TMEM132C: variants seen among roughly 807,000 people sequenced by gnomAD.
TMEM132C encodes transmembrane protein 132C.
In TMEM132C, 29 loss-of-function variants were observed where a neutral mutation model predicts 61.4. The ratio of observed to expected loss-of-function variants is 0.47; its 90% CI spans 0.35 to 0.64. The LOEUF (loss-of-function observed/expected upper bound fraction) is 0.64, where lower values mean the gene tolerates loss of function less well. Among genes scored for constraint, TMEM132C ranks in the 30% least tolerant of loss-of-function variants. The pLI is 0.00. For synonymous variants in TMEM132C, 656 were observed against 633.1 expected (o/e 1.04, Z -0.54); for missense variants, 1,408 against 1,476.9 (o/e 0.95, Z 0.76).
At chr12:128,320,759 G>T (rs572142622) in intron 1 of TMEM132C, among the ~76,000 whole-genome samples, 1 of 148,640 alleles carries the variant, frequency 6.7e-6, no homozygotes, top group Admixed American at 6.8e-5. Context: ...CAGCCTGGGC[G>T]ACACAGCAAG....
At position 128,694,035 on chromosome 12, in the gene TMEM132C, G is replaced by A; in HGVS notation, c.1655+1G>A. On this transcript the variant is annotated splice_donor_variant, in intron 6 of 8. Coordinates refer to ENST00000435159, the MANE Select transcript of TMEM132C (RefSeq NM_001136103.3). LOFTEE classifies it high-confidence loss of function. Reference sequence around the variant, plus strand: ...GGGTCCCCATTGTGACCAATAAGAGGTGAGCCTCGGATGGGGAGATGCCCT... The same window carrying A: ...GGGTCCCCATTGTGACCAATAAGAGATGAGCCTCGGATGGGGAGATGCCCT... 6.4e-7 allele frequency: 1 copy of A among 1,551,526 alleles called. No homozygotes were observed. Among genetic ancestry groups the A allele is most frequent in the Non-Finnish European group, 8.7e-7 (1 of 1,146,912 alleles).
intron 2 of TMEM132C, among the ~76,000 whole-genome samples, chr12:128,451,044 A>G (rs140104211): frequency 3.3e-4 from 51 of 152,324 alleles, no homozygotes; most frequent in African/African-American, 1.1e-3. Flanking sequence ...GAAAACAAAA[A>G]CAGATTCAAA....
intron 2 of TMEM132C, among the ~76,000 whole-genome samples, chr12:128,455,099 T>C (rs117354601): frequency 9.8e-5 from 15 of 152,338 alleles, no homozygotes; most frequent in Non-Finnish European, 2.2e-4. Context: ...GATTTCTCCC[T>C]TGCCCTTCCC....
intron 1 of TMEM132C, among the ~76,000 whole-genome samples, chr12:128,371,836 C>T (rs1239523508): frequency 1.3e-5 from 2 of 152,200 alleles, no homozygotes; most frequent in Admixed American, 6.5e-5. Context: ...TTCTCAGCCT[C>T]CCAAAGCACC....
intron 2 of TMEM132C, among the ~76,000 whole-genome samples, chr12:128,461,751 G>A (rs917981079): frequency 1.3e-5 from 2 of 152,142 alleles, no homozygotes; most frequent in African/African-American, 4.8e-5. Context: ...TGATAGTGGT[G>A]ATAGTGGTGT....
At chr12:128,683,886 A>T (rs1262665313) in intron 5 of TMEM132C, among the ~76,000 whole-genome samples, 3 of 152,116 alleles carry the variant, frequency 2.0e-5, no homozygotes, top group Non-Finnish European at 4.4e-5. Flanking sequence ...GAATCTCTTG[A>T]ACCCAGAAGG....
At chr12:128,279,962 G>T (rs1268090057) in intron 1 of TMEM132C, among the ~76,000 whole-genome samples, 1 of 152,182 alleles carries the variant, frequency 6.6e-6, no homozygotes, top group Non-Finnish European at 1.5e-5. Flanking sequence ...CTCTGGTGAG[G>T]CCCCGAATGC....
At chr12:128,316,564 G>A (rs1872160403) in intron 1 of TMEM132C, among the ~76,000 whole-genome samples, 2 of 152,192 alleles carry the variant, frequency 1.3e-5, no homozygotes, top group South Asian at 4.1e-4. Context: ...GCTGTAGAAT[G>A]TTGGGGAAAC....
chr12:128,566,782 T>C (rs1208333097), intron 3 of TMEM132C, among the ~76,000 whole-genome samples: 2 of 152,294 alleles, frequency 1.3e-5, no homozygotes, highest in East Asian at 1.9e-4. Flanking sequence ...ACTGCCAGGG[T>C]TCGGGTTCCA....
intron 4 of TMEM132C, among the ~76,000 whole-genome samples, chr12:128,663,061 C>G (rs1954408930): frequency 6.6e-6 from 1 of 151,090 alleles, no homozygotes; most frequent in Non-Finnish European, 1.5e-5. Flanking sequence ...GGCTCCAGCC[C>G]CATCCCACAC....
chr12:128,364,437 C>T (rs1333047779), intron 1 of TMEM132C, among the ~76,000 whole-genome samples: 1 of 152,162 alleles, frequency 6.6e-6, no homozygotes, highest in African/African-American at 2.4e-5. Flanking sequence ...CCGTCGCTCA[C>T]ACAGGGCACA....
At chr12:128,407,952 C>G (rs1349164240) in intron 1 of TMEM132C, among the ~76,000 whole-genome samples, 1 of 115,280 alleles carries the variant, frequency 8.7e-6, no homozygotes, top group African/African-American at 3.0e-5. Context: ...CTCTCTTTCT[C>G]TGTCTCTGTC....
chr12:128,516,061 G>T (rs940051618), intron 2 of TMEM132C, among the ~76,000 whole-genome samples: 1 of 152,154 alleles, frequency 6.6e-6, no homozygotes, highest in Non-Finnish European at 1.5e-5. Context: ...CCATTCAGAA[G>T]GAAGGAGGAA....
chr12:128,586,602 G>C (rs1875558056), intron 3 of TMEM132C, among the ~76,000 whole-genome samples: 1 of 152,142 alleles, frequency 6.6e-6, no homozygotes, highest in South Asian at 2.1e-4. Context: ...TGATGTGTGA[G>C]ACTTTTCCTC....
At chr12:128,497,873 G>A (rs111401096) in intron 2 of TMEM132C, among the ~76,000 whole-genome samples, 9,990 of 152,130 alleles carry the variant, frequency 0.066, 393 homozygotes, top group Middle Eastern at 0.11. Flanking sequence ...AGATGAACCC[G>A]GTACCTCAGT....
intron 2 of TMEM132C, among the ~76,000 whole-genome samples, chr12:128,467,881 A>T (rs1361177075): frequency 6.6e-6 from 1 of 152,182 alleles, no homozygotes; most frequent in Non-Finnish European, 1.5e-5. Flanking sequence ...ATCATGTGTT[A>T]CACCAGGATG....
In TMEM132C at chr12:128,669,511, A is replaced by G. The variant is rs943814459; in HGVS notation, c.1400A>G (p.Asp467Gly). The change falls in exon 5 of 9, where the codon GAC (aspartate) becomes GGC (glycine). Residue 467 changes from aspartate to glycine, a missense_variant. Asp to Gly is a moderately conservative substitution (Grantham distance 94). Coordinates refer to ENST00000435159, the MANE Select transcript of TMEM132C (RefSeq NM_001136103.3). ...VSVEENSAVM[D>G]ISESVECKST... ...GTGGAGGAGAACAGTGCCGTGATGG[A>G]CATCTCAGAGTCGGTGGAGTGCAAG... is the stretch of plus-strand genomic sequence containing the variant. The G allele has an allele frequency of 6.4e-7, 1 of 1,551,550 alleles. No homozygotes were observed. The highest frequency in any genetic ancestry group is 8.7e-7 in the Non-Finnish European group (1 of 1,146,982).
intron 4 of TMEM132C, among the ~76,000 whole-genome samples, chr12:128,643,439 G>A (rs1000896897): frequency 6.6e-6 from 1 of 152,106 alleles, no homozygotes; most frequent in Non-Finnish European, 1.5e-5. Flanking sequence ...CAATTGAGGA[G>A]GTAACGAAAC....
intron 1 of TMEM132C, among the ~76,000 whole-genome samples, chr12:128,397,419 G>A (rs1214427437): frequency 6.6e-6 from 1 of 152,190 alleles, no homozygotes; most frequent in Non-Finnish European, 1.5e-5. Flanking sequence ...AATTGCAACG[G>A]TCAGGGGCCT....
Sources: allele counts gnomAD v4.1 joint callset (sites outside exome capture counted in the v4.1 genomes callset), GRCh38; gene constraint gnomAD v4.1.1; transcripts MANE v1.5; gene names NCBI Gene and HGNC (gene_info 2026-07-23, HGNC 2026-07-21).